Variants in CLDN5 observed in about 807,000 individuals in gnomAD.
CLDN5 encodes claudin 5.
CLDN5 carries 4 observed loss-of-function variants against 1.3 expected under a neutral mutation model. That is an observed-to-expected ratio of 3.07 (90% CI 1.51 to 7.03). The LOEUF (loss-of-function observed/expected upper bound fraction) is 7.03, where lower values mean the gene tolerates loss of function less well. Ranked by LOEUF, CLDN5 falls within the 30% of genes most tolerant of loss-of-function variation. The pLI is 0.00. For synonymous variants in CLDN5, 156 were observed against 152.3 expected (o/e 1.02, Z -0.18); for missense variants, 225 against 303.5 (o/e 0.74, Z 1.92).
At chr22:19,524,629 C>A, upstream of CLDN5, 1 of 1,352,458 alleles carries the variant, frequency 7.4e-7, no homozygotes, top group Non-Finnish European at 9.5e-7. Flanking sequence ...GCCCCACCCG[C>A]CGTTGTCCTA....
Position 19,523,387 on chromosome 22 carries a change from AGGGCAG to A in CLDN5, c.*206_*211del, listed in dbSNP as rs1934147555. 1.6e-6 allele frequency: 1 copy of A among 607,878 alleles called. No individual in the cohort carries two copies. Among genetic ancestry groups the A allele is most frequent in the African/African-American group, 2.0e-5 (1 of 50,480 alleles). 37.7% of individuals were successfully genotyped at this position (607,878 alleles called of 1,614,324 possible). On this transcript the variant is annotated 3_prime_UTR_variant, in exon 1 of 1. Transcript: ENST00000618236. ...AAAGGAAACTTCATTCCGTCTGTTA[AGGGCAG>A]GGCCGGGCTAGTGGCAGGAGAAGGT...
At chr22:19,525,253 GT>G, upstream of CLDN5, 1 of 1,000,396 alleles carries the variant, frequency 1.0e-6, no homozygotes, top group Non-Finnish European at 1.2e-6. Flanking sequence ...GAAGTTCCCA[GT>G]GACCCAGCAC....
rs746103657 is a variant in CLDN5, at chr22:19,523,992, C to T, written c.264G>A (p.Val88=). Residue 88 remains valine, a synonymous_variant, in exon 1 of 1, where the codon GTG becomes GTA. Transcript: ENST00000618236. ...QAARALTVSA[V]LLAFVALFVT... ...CGAAGAGCGCAACGAACGCCAGCAG[C>T]ACGGCGCTCACGGTGAGCGCCCGCG... 3 of 1,588,460 alleles carry T rather than the reference C, an allele frequency of 1.9e-6. No individual in the cohort carries two copies. The East Asian group carries it at 6.8e-5, about 36-fold the overall frequency.
rs2146464844 is a variant in CLDN5, at chr22:19,523,479, T to C, written c.*120A>G. On this transcript the variant is annotated 3_prime_UTR_variant, in exon 1 of 1. Coordinates refer to ENST00000618236, the MANE Select transcript of CLDN5 (RefSeq NM_001363066.2). ...CGCGTCGGGGCGCAGAGCCGGACGT[T>C]CCGAGGAGCCTGCGCGCCGCGCTAC... The C allele has an allele frequency of 7.3e-7, 1 of 1,377,374 alleles. No individual in the cohort carries two copies. The highest frequency in any genetic ancestry group is 9.5e-7 in the Non-Finnish European group (1 of 1,049,392). 85.3% of individuals were successfully genotyped at this position (1,377,374 alleles called of 1,614,324 possible).
Position 19,524,408 on chromosome 22 carries a change from G to C in CLDN5, c.-153C>G. The C allele has an allele frequency of 6.9e-7, 1 of 1,448,326 alleles. No homozygotes were observed. The highest frequency in any genetic ancestry group is 9.1e-7 in the Non-Finnish European group (1 of 1,100,144). The allele number at this position is 1,448,326 out of a possible 1,614,324, so 89.7% of individuals were successfully genotyped here. On this transcript the variant is annotated 5_prime_UTR_variant, in exon 1 of 1. Transcript: ENST00000618236. ...CGGGTCTGTCGCACCTCCTGGGTCTGCCAGCTCCTGCCGGGGGGTACCCTC... is the reference window on the plus strand; with the variant it reads ...CGGGTCTGTCGCACCTCCTGGGTCTCCCAGCTCCTGCCGGGGGGTACCCTC...
Position 19,523,395 on chromosome 22 carries a change from GC to G in CLDN5, c.*203del, listed in dbSNP as rs1934147875. 1 of 643,692 alleles carries G rather than the reference GC, an allele frequency of 1.6e-6. No homozygotes were observed. Among genetic ancestry groups the G allele is most frequent in the Admixed American group, 3.4e-5 (1 of 29,526 alleles). 39.9% of individuals were successfully genotyped at this position (643,692 alleles called of 1,614,324 possible). On this transcript the variant is annotated 3_prime_UTR_variant, in exon 1 of 1. Transcript: ENST00000618236. ...CTTCATTCCGTCTGTTAAGGGCAGG[GC>G]CGGGCTAGTGGCAGGAGAAGGTCAG...
chr22:19,523,498 G>A lies in CLDN5; in HGVS notation c.*101C>T. The stretch of plus-strand genomic sequence containing the variant: ...GGACGTTCCGAGGAGCCTGCGCGCC[G>A]CGCTACCCGGCGGAAGCCGCGGTCC... On this transcript the variant is annotated 3_prime_UTR_variant, in exon 1 of 1. Transcript: ENST00000618236. The A allele has an allele frequency of 6.9e-7, 1 of 1,439,448 alleles. No individual in the cohort carries two copies. The highest frequency in any genetic ancestry group is 9.1e-7 in the Non-Finnish European group (1 of 1,098,462). The allele number at this position is 1,439,448 out of a possible 1,614,324, so 89.2% of individuals were successfully genotyped here.
chr22:19,524,467 G>GCCCGGC, upstream of CLDN5: 1 of 1,432,934 alleles, frequency 7.0e-7, no homozygotes, highest in Non-Finnish European at 9.1e-7. Context: ...TGTCCCCCGG[G>GCCCGGC]CCCGGCCCCC....
In CLDN5 at chr22:19,523,404, G is replaced by T. The variant is rs1353689452; in HGVS notation, c.*195C>A. The T allele has an allele frequency of 2.9e-6, 2 of 687,472 alleles. No homozygotes were observed. Among genetic ancestry groups the T allele is most frequent in the Non-Finnish European group, 4.6e-6 (2 of 435,322 alleles). The allele number at this position is 687,472 out of a possible 1,614,324, so 42.6% of individuals were successfully genotyped here. ...GTCTGTTAAGGGCAGGGCCGGGCTA[G>T]TGGCAGGAGAAGGTCAGCTGCGGGC... On this transcript the variant is annotated 3_prime_UTR_variant, in exon 1 of 1. Coordinates refer to ENST00000618236, the MANE Select transcript of CLDN5 (RefSeq NM_001363066.2).
chr22:19,523,682 G>A lies in CLDN5; in HGVS notation c.574C>T (p.Pro192Ser). 1 of 1,607,666 alleles carries A rather than the reference G, an allele frequency of 6.2e-7. No individual in the cohort carries two copies. Among genetic ancestry groups the A allele is most frequent in the Non-Finnish European group, 8.5e-7 (1 of 1,179,380 alleles). Residue 192 changes from proline to serine, a missense_variant, in exon 1 of 1, where the codon CCC (proline) becomes TCC (serine). Physicochemically the swap from Pro to Ser is moderately conservative, Grantham distance 74 (BLOSUM62 -1). Coordinates refer to ENST00000618236, the MANE Select transcript of CLDN5 (RefSeq NM_001363066.2). Reference protein sequence around the residue: ...CCGAWVCTGRPDLSFPVKYSA... With the variant: ...CCGAWVCTGRSDLSFPVKYSA... The stretch of plus-strand genomic sequence containing the variant: ...TACTTCACGGGGAAGCTGAGGTCGG[G>A]ACGGCCGGTGCAGACCCAGGCGCCG...
chr22:19,523,605 G>A lies in CLDN5; in HGVS notation c.651C>T (p.Tyr217=). ...CCGGCCGTGCCCAGCGCCCTCAGAC[G>A]TAGTTCTTCTTGTCGTAGTCGCCGG... ...TATGDYDKKN[Y]V is the part of the protein sequence containing the mutation. The change falls in exon 1 of 1, where the codon TAC becomes TAT. Residue 217 remains tyrosine (Y), a synonymous_variant. Coordinates refer to ENST00000618236, the MANE Select transcript of CLDN5 (RefSeq NM_001363066.2). 6.3e-7 allele frequency: 1 copy of A among 1,591,124 alleles called. No individual in the cohort carries two copies. Among genetic ancestry groups the A allele is most frequent in the East Asian group, 2.2e-5 (1 of 44,544 alleles).
upstream of CLDN5, chr22:19,524,939 C>T: frequency 9.7e-7 from 1 of 1,026,902 alleles, no homozygotes; most frequent in African/African-American, 1.7e-5. Context: ...CTCTCACTCT[C>T]CAGCCCCGCT....
In CLDN5 at chr22:19,524,113, T is replaced by C. The variant is rs1934173336; in HGVS notation, c.143A>G (p.Lys48Arg). The C allele has an allele frequency of 1.2e-6, 2 of 1,608,634 alleles. No individual in the cohort carries two copies. Among genetic ancestry groups the C allele is most frequent in the Admixed American group, 1.7e-5 (1 of 59,970 alleles). ...CACCACGCACGACATCCACAGCCCC[T>C]TCCAGGTGGTCTGCGCCGTCACGAT... Reference protein sequence around the residue: ...HNIVTAQTTWKGLWMSCVVQS... With the variant: ...HNIVTAQTTWRGLWMSCVVQS... Residue 48 changes from lysine to arginine, a missense_variant, in exon 1 of 1, where the codon AAG (lysine) becomes AGG (arginine). Lys to Arg is a conservative substitution (Grantham distance 26). This residue lies in a region of CLDN5 where 19 missense variants were observed against 51.1 expected (regional missense o/e 0.37). Transcript: ENST00000618236.
Position 19,523,386 on chromosome 22 carries a change from A to T in CLDN5, c.*213T>A. ...AAAAGGAAACTTCATTCCGTCTGTT[A>T]AGGGCAGGGCCGGGCTAGTGGCAGG... is the stretch of plus-strand genomic sequence containing the variant. On this transcript the variant is annotated 3_prime_UTR_variant, in exon 1 of 1. Transcript: ENST00000618236. 1 of 605,632 alleles carries T rather than the reference A, an allele frequency of 1.7e-6. No homozygotes were observed. The highest frequency in any genetic ancestry group is 2.7e-6 in the Non-Finnish European group (1 of 365,962). 37.5% of individuals were successfully genotyped at this position (605,632 alleles called of 1,614,324 possible).
chr22:19,524,191 A>G lies in CLDN5; in HGVS notation c.65T>C (p.Ile22Thr). 3.1e-6 allele frequency: 5 copies of G among 1,608,846 alleles called. No individual in the cohort carries two copies. Among genetic ancestry groups the G allele is most frequent in the Non-Finnish European group, 4.2e-6 (5 of 1,177,974 alleles). The change falls in exon 1 of 1, where the codon ATC becomes ACC. Residue 22 changes from isoleucine to threonine, a missense_variant. Coordinates refer to ENST00000618236, the MANE Select transcript of CLDN5 (RefSeq NM_001363066.2). The stretch of plus-strand genomic sequence containing the variant: ...CCACATGGGCAGCCCGCACGCCAGG[A>G]TCAGACCCCCCCAGCCCACCAGGCA... Reference protein sequence around the residue: ...VLCLVGWGGLILACGLPMWQV... With the variant: ...VLCLVGWGGLTLACGLPMWQV...
At chr22:19,524,555 A>G (rs182598352), upstream of CLDN5, 8 of 1,385,790 alleles carry the variant, frequency 5.8e-6, no homozygotes, top group African/African-American at 1.5e-5. Flanking sequence ...GAAGTTAGGG[A>G]AACAACGGCT....
chr22:19,524,920 T>C (rs1934198149), upstream of CLDN5: 1 of 1,041,686 alleles, frequency 9.6e-7, no homozygotes, highest in Non-Finnish European at 1.2e-6. Flanking sequence ...ACCCAGGCCC[T>C]TTCTCGCACT....
At position 19,524,257 on chromosome 22, in the gene CLDN5, G is replaced by A; in HGVS notation, c.-2C>T. ...GATCTCCAACGCTGCGGACCCCATGGCTAGAGGCGAGACGCGCACCCGAAG... is the reference window on the plus strand; with the variant it reads ...GATCTCCAACGCTGCGGACCCCATGACTAGAGGCGAGACGCGCACCCGAAG... On this transcript the variant is annotated 5_prime_UTR_variant, in exon 1 of 1. Coordinates refer to ENST00000618236, the MANE Select transcript of CLDN5 (RefSeq NM_001363066.2). The A allele has an allele frequency of 1.3e-6, 2 of 1,569,114 alleles. No homozygotes were observed. The highest frequency in any genetic ancestry group is 1.7e-6 in the Non-Finnish European group (2 of 1,158,130).
At position 19,523,728 on chromosome 22, in the gene CLDN5, T is replaced by C. The variant is rs1478673418; in HGVS notation, c.528A>G (p.Val176=). 16 of 1,606,800 alleles carry C rather than the reference T, an allele frequency of 1.0e-5. No individual in the cohort carries two copies. The highest frequency in any genetic ancestry group is 1.4e-5 in the Non-Finnish European group (16 of 1,178,000). The change falls in exon 1 of 1, where the codon GTA becomes GTG. Residue 176 remains valine (V), a synonymous_variant. Transcript: ENST00000618236. ...IGWAATALLM[V]GGCLLCCGAW... ...CGCCGCAGCACAAGAGGCAGCCGCC[T>C]ACCATGAGCAGCGCGGTGGCCGCCC...
Sources: allele counts gnomAD v4.1 joint callset, GRCh38; gene constraint gnomAD v4.1.1; regional missense constraint gnomAD v4.1.1; transcripts MANE v1.5; gene names NCBI Gene and HGNC (gene_info 2026-07-23, HGNC 2026-07-21).